VTI1A: variants seen among roughly 807,000 people sequenced by gnomAD.
VTI1A encodes the protein vesicle transport through interaction with t-SNAREs homolog 1A.
In VTI1A, 22 loss-of-function variants were observed where a neutral mutation model predicts 34.9. The ratio of observed to expected loss-of-function variants is 0.63; its 90% CI spans 0.45 to 0.90. VTI1A has a LOEUF of 0.90. Ranked by LOEUF, VTI1A falls within the 40% of genes least tolerant of loss-of-function variation. VTI1A has a pLI of 0.00. For synonymous variants in VTI1A, 87 were observed against 97.3 expected, an observed-to-expected ratio of 0.89 and a Z score of 0.62; for missense variants, 268 against 275.6, an observed-to-expected ratio of 0.97 and a Z score of 0.20.
chr10:112,716,102 G>T (rs1849603493), intron 7 of VTI1A, among the ~76,000 whole-genome samples: 1 of 152,184 alleles, frequency 6.6e-6, no homozygotes, highest in Non-Finnish European at 1.5e-5. Flanking sequence ...AGAAGGGATG[G>T]ATCTGAGGAA....
rs769082056 is a variant in VTI1A at position 112,673,480 on chromosome 10, A to ACACACACG, written c.560+4485_560+4486insACACGCAC. On this transcript the variant is annotated intron_variant, in intron 7 of 7. Coordinates refer to ENST00000393077, the MANE Select transcript of VTI1A (RefSeq NM_145206.4). ...CGCGCGTGCGCGCGCACACACACAC[A>ACACACACG]CACGCACTCAGATTGTTTCCTTCAG... Among the ~76,000 whole-genome samples the ACACACACG allele has an allele frequency of 2.7e-3, 409 of 151,802 alleles. 1 individual carries two copies. Among genetic ancestry groups the ACACACACG allele is most frequent in the South Asian group, 0.012 (57 of 4,800 alleles).
At chr10:112,558,543 T>G (rs1851611131) in intron 5 of VTI1A, among the ~76,000 whole-genome samples, 1 of 152,188 alleles carries the variant, frequency 6.6e-6, no homozygotes, top group African/African-American at 2.4e-5. Flanking sequence ...TAGAGGTTTA[T>G]CAAGATGAAA....
intron 7 of VTI1A, among the ~76,000 whole-genome samples, chr10:112,744,028 A>G (rs1220756759): frequency 6.6e-6 from 1 of 152,184 alleles, no homozygotes; most frequent in African/African-American, 2.4e-5. Context: ...GGGAGGAAGA[A>G]TGGACTTTTT....
intron 2 of VTI1A, among the ~76,000 whole-genome samples, chr10:112,462,149 C>T (rs1230641437): frequency 2.0e-5 from 3 of 152,166 alleles, no homozygotes; most frequent in Non-Finnish European, 4.4e-5. Flanking sequence ...TGTGCGCAGC[C>T]GATACTGCCC....
chr10:112,838,726 G>C, the VTI1A span, among the ~76,000 whole-genome samples: 4 of 152,168 alleles, frequency 2.6e-5, no homozygotes, highest in Non-Finnish European at 5.9e-5. Context: ...CTCGGTCACC[G>C]GGCAGCTCAC....
chr10:112,613,133 C>T (rs577394968), intron 5 of VTI1A, among the ~76,000 whole-genome samples: 1 of 152,098 alleles, frequency 6.6e-6, no homozygotes, highest in South Asian at 2.1e-4. Flanking sequence ...TTTTGGAAGA[C>T]TTTGCCGAAT....
At chr10:112,475,157 ATTTTCTTCACT>A (rs2134082287) in intron 3 of VTI1A, among the ~76,000 whole-genome samples, 1 of 152,290 alleles carries the variant, frequency 6.6e-6, no homozygotes, top group African/African-American at 2.4e-5. Flanking sequence ...GTCTTAATAG[ATTTTCTTCACT>A]TTGGAAACTC....
intron 5 of VTI1A, among the ~76,000 whole-genome samples, chr10:112,604,750 A>G (rs895487737): frequency 6.6e-6 from 1 of 152,180 alleles, no homozygotes; most frequent in Non-Finnish European, 1.5e-5. Flanking sequence ...AAAACATTAC[A>G]TTTCTGATTC....
Position 112,752,413 on chromosome 10 carries a change from G to A in VTI1A, c.561-62877G>A, listed in dbSNP as rs1278165466. 1.1e-5 allele frequency: 11 copies of A among 985,234 alleles called. No individual in the cohort carries two copies. The South Asian group carries it at 2.3e-4, about 21-fold the overall frequency. The allele number at this position is 985,234 out of a possible 1,614,324, so 61.0% of individuals were successfully genotyped here. The stretch of plus-strand genomic sequence containing the variant: ...GAAGCAGAGCTGATATCTCTTTACC[G>A]GGGAGTCAGCTTCACCAGCCACAGC... On this transcript the variant is annotated intron_variant, in intron 7 of 7. Coordinates refer to ENST00000393077, the MANE Select transcript of VTI1A (RefSeq NM_145206.4).
intron 7 of VTI1A, among the ~76,000 whole-genome samples, chr10:112,765,818 T>G (rs2134014653): frequency 6.6e-6 from 1 of 152,314 alleles, no homozygotes; most frequent in African/African-American, 2.4e-5. Flanking sequence ...AGCCCAGATG[T>G]CTGGGCCCTA....
intron 5 of VTI1A, among the ~76,000 whole-genome samples, chr10:112,555,119 A>G (rs1382517926): frequency 1.3e-5 from 2 of 152,080 alleles, no homozygotes; most frequent in African/African-American, 2.4e-5. Context: ...TTTTTTCCCT[A>G]TTCTGAATTT....
At chr10:112,613,355 T>C (rs924823847) in intron 5 of VTI1A, among the ~76,000 whole-genome samples, 8 of 152,238 alleles carry the variant, frequency 5.3e-5, no homozygotes, top group Non-Finnish European at 1.0e-4. Context: ...TGGAAGAATA[T>C]GTAAAGAATA....
chr10:112,794,519 T>A (rs1040609354), intron 7 of VTI1A, among the ~76,000 whole-genome samples: 7 of 151,898 alleles, frequency 4.6e-5, no homozygotes, highest in African/African-American at 1.7e-4. Flanking sequence ...GCTGTTGCAC[T>A]CCAGCCTGGG....
At chr10:112,704,022 G>A (rs945821639) in intron 7 of VTI1A, among the ~76,000 whole-genome samples, 2 of 152,088 alleles carry the variant, frequency 1.3e-5, no homozygotes, top group Non-Finnish European at 2.9e-5. Context: ...TCATGATATT[G>A]CATAATTATG....
intron 4 of VTI1A, chr10:112,527,398 C>A: frequency 2.8e-6 from 1 of 351,476 alleles, no homozygotes; most frequent in Non-Finnish European, 5.1e-6. Flanking sequence ...CTTTTCTTCT[C>A]TTTTCTTTAT....
chr10:112,526,405 T>C (rs968321898), intron 3 of VTI1A, among the ~76,000 whole-genome samples: 4 of 152,170 alleles, frequency 2.6e-5, no homozygotes, highest in Non-Finnish European at 5.9e-5. Context: ...AGAAATTTAG[T>C]TTCTTTTACC....
chr10:112,471,051 A>G (rs1324525010), intron 3 of VTI1A, among the ~76,000 whole-genome samples: 1 of 152,168 alleles, frequency 6.6e-6, no homozygotes, highest in African/African-American at 2.4e-5. Context: ...TTTCCTCTAC[A>G]AATGCAAATC....
intron 5 of VTI1A, among the ~76,000 whole-genome samples, chr10:112,578,255 T>G (rs1229481359): frequency 6.6e-6 from 1 of 152,124 alleles, no homozygotes; most frequent in African/African-American, 2.4e-5. Flanking sequence ...AGAGGATGGA[T>G]GCCAGAGACA....
intron 7 of VTI1A, among the ~76,000 whole-genome samples, chr10:112,752,782 T>A (rs528580890): frequency 3.3e-5 from 5 of 152,320 alleles, no homozygotes; most frequent in African/African-American, 1.2e-4. Flanking sequence ...GTTCTGCTAT[T>A]TACTACCTTA....
Sources: allele counts gnomAD v4.1 joint callset (sites outside exome capture counted in the v4.1 genomes callset), GRCh38; gene constraint gnomAD v4.1.1; transcripts MANE v1.5; gene names NCBI Gene and HGNC (gene_info 2026-07-23, HGNC 2026-07-21).